Variants in PTPRG observed in about 807,000 individuals in gnomAD.
The protein encoded by PTPRG is receptor-type tyrosine-protein phosphatase gamma.
A neutral mutation model predicts 165.3 loss-of-function variants in PTPRG; 102 were observed. That is an observed-to-expected ratio of 0.62 (90% CI 0.53 to 0.73). The LOEUF is 0.73. PTPRG is among the 30% of genes least tolerant of loss of function. The probability of loss-of-function intolerance (pLI) is 0.00; values close to 1 mark genes in which losing one functional copy is unlikely to be tolerated. For missense variants in PTPRG, 1,866 were observed against 1,861.4 expected (o/e 1.00, Z -0.05); for synonymous variants, 675 against 669.5 (o/e 1.01, Z -0.13).
intron 6 of PTPRG, among the ~76,000 whole-genome samples, chr3:62,138,811 C>G (rs1703818436): frequency 6.6e-6 from 1 of 150,708 alleles, no homozygotes; most frequent in Non-Finnish European, 1.5e-5. Flanking sequence ...TGCGTTATGT[C>G]CTGTGTCAGT....
chr3:62,127,754 G>A (rs1474340863), intron 5 of PTPRG, among the ~76,000 whole-genome samples: 1 of 152,168 alleles, frequency 6.6e-6, no homozygotes, highest in African/African-American at 2.4e-5. Flanking sequence ...AATGGCATGG[G>A]GGACAGTAGA....
chr3:62,127,850 G>A (rs1457574483), intron 5 of PTPRG, among the ~76,000 whole-genome samples: 2 of 152,194 alleles, frequency 1.3e-5, no homozygotes, highest in Non-Finnish European at 2.9e-5. Context: ...TCAAGCAAGA[G>A]TAAACACAGG....
At chr3:62,280,381 T>C (rs1455919265) in intron 26 of PTPRG, among the ~76,000 whole-genome samples, 3 of 151,960 alleles carry the variant, frequency 2.0e-5, no homozygotes, top group Non-Finnish European at 2.9e-5. Context: ...AACTCAGTAG[T>C]AGAATCATGA....
At chr3:62,253,072 G>A (rs1213736089) in intron 15 of PTPRG, among the ~76,000 whole-genome samples, 2 of 152,128 alleles carry the variant, frequency 1.3e-5, no homozygotes, top group Admixed American at 6.5e-5. Context: ...CATTAGCTTG[G>A]ATATTACAGT....
chr3:61,706,481 T>A (rs1401500957), intron 1 of PTPRG, among the ~76,000 whole-genome samples: 1 of 151,492 alleles, frequency 6.6e-6, no homozygotes, highest in African/African-American at 2.4e-5. Flanking sequence ...TTTATCTGAA[T>A]GTGCAAGTAA....
intron 5 of PTPRG, among the ~76,000 whole-genome samples, chr3:62,121,514 C>G (rs1464303890): frequency 6.6e-6 from 1 of 152,092 alleles, no homozygotes; most frequent in East Asian, 1.9e-4. Context: ...TTTCAGAAAC[C>G]CTGTACTTAA....
chr3:61,696,796 T>TA (rs1281439344), intron 1 of PTPRG, among the ~76,000 whole-genome samples: 2 of 152,208 alleles, frequency 1.3e-5, no homozygotes, highest in Non-Finnish European at 2.9e-5. Context: ...TATGATAACT[T>TA]ACCATACGTA....
intron 2 of PTPRG, among the ~76,000 whole-genome samples, chr3:61,988,946 A>C (rs961170975): frequency 6.6e-6 from 1 of 152,144 alleles, no homozygotes; most frequent in Admixed American, 6.5e-5. Context: ...TCTGTGGCAT[A>C]TGTCCCCCCA....
intron 1 of PTPRG, among the ~76,000 whole-genome samples, chr3:61,719,127 G>A (rs2031942499): frequency 6.6e-6 from 1 of 152,164 alleles, no homozygotes; most frequent in African/African-American, 2.4e-5. Context: ...TTCCAGACAT[G>A]AGACATTGTA....
intron 1 of PTPRG, among the ~76,000 whole-genome samples, chr3:61,721,661 C>T (rs920316626): frequency 6.6e-6 from 1 of 152,030 alleles, no homozygotes; most frequent in Non-Finnish European, 1.5e-5. Flanking sequence ...TCAAAAAGTT[C>T]CTGGAGAACT....
chr3:61,728,794 TG>T (rs2032366394), intron 1 of PTPRG, among the ~76,000 whole-genome samples: 1 of 146,086 alleles, frequency 6.8e-6, no homozygotes, highest in Non-Finnish European at 1.5e-5. Context: ...TCCAACACTT[TG>T]GGAAGCTGAG....
chr3:62,206,261 T>C (rs1181370126), intron 12 of PTPRG, among the ~76,000 whole-genome samples: 3 of 152,180 alleles, frequency 2.0e-5, no homozygotes, highest in Admixed American at 1.3e-4. Flanking sequence ...ATGGCAAACT[T>C]TGGGGGCTCC....
chr3:62,014,720 G>A (rs1305987859), intron 4 of PTPRG, among the ~76,000 whole-genome samples: 1 of 152,092 alleles, frequency 6.6e-6, no homozygotes, highest in Non-Finnish European at 1.5e-5. Flanking sequence ...ATTTGTCTTT[G>A]TCTCTGATTG....
chr3:61,912,074 C>A (rs909181053), intron 2 of PTPRG, among the ~76,000 whole-genome samples: 1 of 151,948 alleles, frequency 6.6e-6, no homozygotes, highest in Admixed American at 6.6e-5. Flanking sequence ...GTGTAAGGAG[C>A]GAGTCCTCAG....
chr3:62,157,052 T>C lies in PTPRG; in HGVS notation c.683-15T>C, dbSNP rs201007490. The C allele has an allele frequency of 2.5e-6, 4 of 1,576,690 alleles. No homozygotes were observed. Among genetic ancestry groups the C allele is most frequent in the Non-Finnish European group, 3.5e-6 (4 of 1,148,202 alleles). ...CTTACCATTGTGCTTTTCTTTTCCC[T>C]TTTTCCCCAAACAGAGAAGGAGACC... On this transcript the variant is annotated splice_polypyrimidine_tract_variant and intron_variant, in intron 6 of 29. Transcript: ENST00000474889.
chr3:62,200,715 T>C (rs1700078155), intron 10 of PTPRG, among the ~76,000 whole-genome samples: 1 of 152,208 alleles, frequency 6.6e-6, no homozygotes, highest in African/African-American at 2.4e-5. Flanking sequence ...AATGTATGGT[T>C]AATACGAAAT....
chr3:61,733,654 C>T (rs1279773151), intron 1 of PTPRG, among the ~76,000 whole-genome samples: 1 of 152,186 alleles, frequency 6.6e-6, no homozygotes, highest in Non-Finnish European at 1.5e-5. Flanking sequence ...ATTTCTTTGA[C>T]ATTGAGATGG....
intron 1 of PTPRG, among the ~76,000 whole-genome samples, chr3:61,658,680 T>G (rs1264457439): frequency 6.6e-6 from 1 of 152,184 alleles, no homozygotes; most frequent in African/African-American, 2.4e-5. Context: ...CTTTGCGAGT[T>G]AAGGATTTGA....
chr3:61,817,676 A>C (rs1252097967), intron 2 of PTPRG, among the ~76,000 whole-genome samples: 1 of 152,234 alleles, frequency 6.6e-6, no homozygotes, highest in African/African-American at 2.4e-5. Flanking sequence ...GGGAAGAGAC[A>C]GAGGACCTGA....
Sources: allele counts gnomAD v4.1 joint callset (sites outside exome capture counted in the v4.1 genomes callset), GRCh38; gene constraint gnomAD v4.1.1; transcripts MANE v1.5; gene names NCBI Gene and HGNC (gene_info 2026-07-23, HGNC 2026-07-21).